The following ELMO1 variants were observed in gnomAD, a reference collection of about 807,000 sequenced individuals.
ELMO1 encodes the protein engulfment and cell motility 1.
Under a neutral mutation model 98.9 loss-of-function variants are expected in ELMO1, and 26 were observed. The observed-to-expected ratio is 0.26, with a 90% CI of 0.19 to 0.36. The LOEUF (loss-of-function observed/expected upper bound fraction) is 0.36, where lower values mean the gene tolerates loss of function less well. Ranked by LOEUF, ELMO1 falls within the 10% of genes least tolerant of loss-of-function variation. The probability of loss-of-function intolerance (pLI) is 1.00; values close to 1 mark genes in which losing one functional copy is unlikely to be tolerated. For missense variants in ELMO1, 627 were observed against 935.2 expected (o/e 0.67, Z 4.30); for synonymous variants, 346 against 346.0 (o/e 1.00, Z 0.00).
intron 16 of ELMO1, among the ~76,000 whole-genome samples, chr7:36,916,845 C>T (rs918926902): frequency 6.6e-6 from 1 of 152,212 alleles, no homozygotes; most frequent in African/African-American, 2.4e-5. Flanking sequence ...TTTTCCTAGG[C>T]AAGGCAGAGA....
chr7:37,245,336 C>T (rs777764168), intron 6 of ELMO1, among the ~76,000 whole-genome samples: 2 of 152,076 alleles, frequency 1.3e-5, no homozygotes, highest in Non-Finnish European at 2.9e-5. Flanking sequence ...GTGACAATAG[C>T]GTAATGTGAG....
intron 4 of ELMO1, among the ~76,000 whole-genome samples, chr7:37,277,997 C>T (rs1796935354): frequency 6.6e-6 from 1 of 152,118 alleles, no homozygotes; most frequent in Non-Finnish European, 1.5e-5. Flanking sequence ...TCAAAGCCTG[C>T]AGTTTCCACC....
chr7:36,913,111 C>T (rs1474371021), intron 16 of ELMO1, among the ~76,000 whole-genome samples: 2 of 152,168 alleles, frequency 1.3e-5, no homozygotes, highest in African/African-American at 4.8e-5. Flanking sequence ...GGAGCATGCA[C>T]AACATGAAAT....
At chr7:37,034,359 C>T (rs1314051873) in intron 15 of ELMO1, among the ~76,000 whole-genome samples, 1 of 152,108 alleles carries the variant, frequency 6.6e-6, no homozygotes, top group East Asian at 1.9e-4. Flanking sequence ...CAGGAACAAA[C>T]CAATGCCTTG....
At chr7:37,010,470 G>T (rs766381500) in intron 16 of ELMO1, among the ~76,000 whole-genome samples, 10 of 152,186 alleles carry the variant, frequency 6.6e-5, no homozygotes, top group Admixed American at 1.3e-4. Context: ...TAATCACAAG[G>T]TCCTTAAAGG....
intron 4 of ELMO1, among the ~76,000 whole-genome samples, chr7:37,280,883 A>G (rs953425353): frequency 2.6e-5 from 4 of 151,628 alleles, no homozygotes; most frequent in Middle Eastern, 3.4e-3. Context: ...TCATTATTCA[A>G]AAAAAGATAC....
intron 1 of ELMO1, among the ~76,000 whole-genome samples, chr7:37,384,265 G>A (rs1256878240): frequency 6.6e-6 from 1 of 152,104 alleles, no homozygotes; most frequent in African/African-American, 2.4e-5. Flanking sequence ...CAAATGACAC[G>A]ATTAAGATGA....
At chr7:37,226,299 A>C (rs1035157922) in intron 8 of ELMO1, among the ~76,000 whole-genome samples, 4 of 152,178 alleles carry the variant, frequency 2.6e-5, no homozygotes, top group Non-Finnish European at 5.9e-5. Flanking sequence ...AGACTGCTTC[A>C]GCTCTTCTCA....
At chr7:36,965,436 C>T (rs979977866) in intron 16 of ELMO1, among the ~76,000 whole-genome samples, 3 of 152,162 alleles carry the variant, frequency 2.0e-5, no homozygotes, top group Non-Finnish European at 2.9e-5. Flanking sequence ...AGATTGTTTT[C>T]GGACTCAGCT....
chr7:37,092,366 C>CTATTTTTTTTTTTTT (rs1784147136), intron 15 of ELMO1, among the ~76,000 whole-genome samples: 1 of 68,894 alleles, frequency 1.5e-5, no homozygotes, highest in African/African-American at 4.6e-5. Context: ...TACCCATATT[C>CTATTTTTTTTTTTTT]TTTTTTTTTT....
At chr7:37,228,701 A>T (rs1794000892) in intron 8 of ELMO1, among the ~76,000 whole-genome samples, 1 of 152,188 alleles carries the variant, frequency 6.6e-6, no homozygotes, top group Admixed American at 6.5e-5. Flanking sequence ...ATGTTATCAA[A>T]ACCTAAAAGA....
intron 15 of ELMO1, among the ~76,000 whole-genome samples, chr7:37,095,772 G>C (rs538802393): frequency 6.6e-6 from 1 of 151,976 alleles, no homozygotes; most frequent in Non-Finnish European, 1.5e-5. Flanking sequence ...TTAAGCTCTC[G>C]AGCAGGCAAC....
intron 13 of ELMO1, among the ~76,000 whole-genome samples, chr7:37,147,861 C>G (rs967876153): frequency 6.6e-6 from 1 of 151,346 alleles, no homozygotes; most frequent in African/African-American, 2.4e-5. Context: ...GTTATTTAGC[C>G]CAGGAAATAA....
At chr7:37,063,715 G>A (rs577309907) in intron 15 of ELMO1, among the ~76,000 whole-genome samples, 3 of 151,946 alleles carry the variant, frequency 2.0e-5, no homozygotes, top group Non-Finnish European at 2.9e-5. Flanking sequence ...ATTCCCCTCC[G>A]CTATCTCCCT....
intron 20 of ELMO1, among the ~76,000 whole-genome samples, chr7:36,863,003 C>T (rs3823505): frequency 1.3e-5 from 2 of 152,298 alleles, no homozygotes; most frequent in East Asian, 3.9e-4. Flanking sequence ...GTGGCTGCAT[C>T]CCTGTCCTGA....
intron 14 of ELMO1, among the ~76,000 whole-genome samples, chr7:37,124,311 A>G (rs112378597): frequency 6.6e-6 from 1 of 152,206 alleles, no homozygotes. Flanking sequence ...AAAGAAATAA[A>G]GGGTATTCAA....
intron 1 of ELMO1, among the ~76,000 whole-genome samples, chr7:37,379,849 T>C (rs1356310399): frequency 6.6e-6 from 1 of 152,208 alleles, no homozygotes; most frequent in African/African-American, 2.4e-5. Context: ...GATAAGGTAC[T>C]GCAGACCTTA....
chr7:37,378,141 G>A (rs1325481169), intron 1 of ELMO1, among the ~76,000 whole-genome samples: 2 of 152,162 alleles, frequency 1.3e-5, no homozygotes, highest in Admixed American at 1.3e-4. Flanking sequence ...GGATGGGTTG[G>A]TCCAGCTGAT....
At chr7:36,895,588 A>G (rs1416793322) in intron 16 of ELMO1, among the ~76,000 whole-genome samples, 3 of 152,162 alleles carry the variant, frequency 2.0e-5, no homozygotes, top group African/African-American at 7.2e-5. Context: ...GCCTGGCACT[A>G]AAAAAAGAGG....
Sources: gnomAD v4.1 joint callset for allele counts (sites outside exome capture counted in the v4.1 genomes callset) on GRCh38, gnomAD v4.1.1 for gene constraint, MANE v1.5 for transcripts, NCBI Gene and HGNC (gene_info 2026-07-23, HGNC 2026-07-21) for gene names.